The following PGM2 variants were observed in gnomAD, a reference collection of about 807,000 sequenced individuals.
The protein encoded by PGM2 is phosphopentomutase.
PGM2 carries 57 observed loss-of-function variants against 74.6 expected under a neutral mutation model. The ratio of observed to expected loss-of-function variants is 0.76; its 90% CI spans 0.62 to 0.95. The LOEUF is 0.95. PGM2 is among the 40% of genes least tolerant of loss of function. The pLI, the probability that PGM2 is intolerant of heterozygous loss-of-function variation, is 0.00. For missense variants in PGM2, 706 were observed against 741.9 expected (o/e 0.95, Z 0.56); for synonymous variants, 273 against 260.7 (o/e 1.05, Z -0.46).
chr4:37,845,774 A>C, intron 8 of PGM2, 44 bp downstream of exon 8: 4 of 1,183,738 alleles, frequency 3.4e-6, no homozygotes, highest in Non-Finnish European at 5.1e-6. Flanking sequence ...CATATAAAGG[A>C]TGATCTCTTC....
chr4:37,858,801 A>G (rs1178292792), intron 13 of PGM2, among the ~76,000 whole-genome samples: 1 of 152,156 alleles, frequency 6.6e-6, no homozygotes, highest in Non-Finnish European at 1.5e-5. Flanking sequence ...TGCTGCTTTA[A>G]AAATATATTT....
rs776666331 is a variant in PGM2, at chr4:37,826,718, A to G, written c.-15A>G. 1 of 1,546,458 alleles carries G rather than the reference A, an allele frequency of 6.5e-7. No individual in the cohort carries two copies. The highest frequency in any genetic ancestry group is 8.7e-7 in the Non-Finnish European group (1 of 1,143,062). On this transcript the variant is annotated 5_prime_UTR_variant, in exon 1 of 14. Coordinates refer to ENST00000381967, the MANE Select transcript of PGM2 (RefSeq NM_018290.4). ...ACCGCCTGCTTCCCTCTGCAGCGGT[A>G]GCACAAGCTCAGCGATGGCGGCTCC... is the stretch of plus-strand genomic sequence containing the variant.
At chr4:37,833,826 G>A (rs966704121) in intron 2 of PGM2, among the ~76,000 whole-genome samples, 7 of 152,150 alleles carry the variant, frequency 4.6e-5, no homozygotes, top group Admixed American at 2.6e-4. Context: ...TTTTACAGAA[G>A]AGGAAACTAA....
At chr4:37,858,564 G>A (rs1711637093) in intron 13 of PGM2, among the ~76,000 whole-genome samples, 1 of 149,746 alleles carries the variant, frequency 6.7e-6, no homozygotes, top group African/African-American at 2.5e-5. Context: ...CGGTCAGGCT[G>A]GGCTCGAACT....
chr4:37,840,935 T>C (rs1725692001), intron 6 of PGM2, among the ~76,000 whole-genome samples: 1 of 146,564 alleles, frequency 6.8e-6, no homozygotes, highest in African/African-American at 2.5e-5. Flanking sequence ...TTCATACATA[T>C]TCATACATGT....
At position 37,845,618 on chromosome 4, in the gene PGM2, C is replaced by T; in HGVS notation, c.910-15C>T. 6.5e-7 allele frequency: 1 copy of T among 1,541,380 alleles called. No individual in the cohort carries two copies. Among genetic ancestry groups the T allele is most frequent in the Non-Finnish European group, 9.0e-7 (1 of 1,113,984 alleles). ...TCTTGATTAAATAATCTTTTATTTT[C>T]ATATTCTTCTTCAGACTTTGTCTTT... On this transcript the variant is annotated splice_polypyrimidine_tract_variant and intron_variant, in intron 7 of 13. Coordinates refer to ENST00000381967, the MANE Select transcript of PGM2 (RefSeq NM_018290.4).
chr4:37,839,900 C>A lies in PGM2; in HGVS notation c.494C>A (p.Ser165Tyr). 1 of 1,604,536 alleles carries A rather than the reference C, an allele frequency of 6.2e-7. No individual in the cohort carries two copies. Among genetic ancestry groups the A allele is most frequent in the Non-Finnish European group, 8.5e-7 (1 of 1,171,280 alleles). ...KLCAGIMITA[S>Y]HNPKQDNGYK... ...TGTGCTGGAATCATGATAACTGCAT[C>A]TCACAATCCAAAGCAGGATAATGGT... Residue 165 changes from serine to tyrosine, a missense_variant, in exon 5 of 14, where the codon TCT becomes TAT. This residue lies in a region of PGM2 where 332 missense variants were observed against 334.9 expected (regional missense o/e 0.99). Transcript: ENST00000381967.
At chr4:37,842,556 T>C (rs952663245) in intron 6 of PGM2, among the ~76,000 whole-genome samples, 9 of 105,856 alleles carry the variant, frequency 8.5e-5, no homozygotes, top group Admixed American at 3.5e-4. Flanking sequence ...TTTCTTTTTT[T>C]TCTTTTTTGA....
chr4:37,851,335 C>A (rs1322565464), intron 12 of PGM2, among the ~76,000 whole-genome samples: 1 of 152,204 alleles, frequency 6.6e-6, no homozygotes, highest in African/African-American at 2.4e-5. Context: ...ACTTTGAGAA[C>A]CACTGTTTGT....
intron 13 of PGM2, among the ~76,000 whole-genome samples, chr4:37,860,929 G>A (rs1014818763): frequency 6.6e-6 from 1 of 152,110 alleles, no homozygotes; most frequent in African/African-American, 2.4e-5. Flanking sequence ...TCAAGAAATA[G>A]ATTCATTATG....
At chr4:37,844,108 G>A (rs1725801564) in intron 6 of PGM2, among the ~76,000 whole-genome samples, 1 of 152,010 alleles carries the variant, frequency 6.6e-6, no homozygotes, top group Non-Finnish European at 1.5e-5. Context: ...GTTCTTCTTT[G>A]TATCTCACTC....
At chr4:37,833,256 C>T (rs972042953) in intron 2 of PGM2, among the ~76,000 whole-genome samples, 2 of 152,136 alleles carry the variant, frequency 1.3e-5, no homozygotes, top group African/African-American at 4.8e-5. Flanking sequence ...TCCCCTCCTA[C>T]CCAAAATAAA....
intron 1 of PGM2, 23 bp from the exon 2 acceptor site, chr4:37,829,941 G>A (rs371561500): frequency 1.3e-6 from 2 of 1,531,642 alleles, no homozygotes; most frequent in Non-Finnish European, 1.8e-6. Context: ...GTCTGGCTGT[G>A]TCTATACATT....
chr4:37,841,072 GTATATATA>G lies in PGM2; in HGVS notation c.719+835_719+842del, dbSNP rs36127170. The stretch of plus-strand genomic sequence containing the variant: ...AAAAATTTTCTGTGCATATGCAAGC[GTATATATA>G]TATATATATATATATATATATGTGT... On this transcript the variant is annotated intron_variant, in intron 6 of 13. Coordinates refer to ENST00000381967, the MANE Select transcript of PGM2 (RefSeq NM_018290.4). Among the ~76,000 whole-genome samples, 243 of 113,728 alleles carry G rather than the reference GTATATATA, an allele frequency of 2.1e-3. 3 individuals carry two copies. The highest frequency in any genetic ancestry group is 0.016 in the East Asian group (49 of 3,068). The allele number at this position is 113,728 out of a possible 152,430, so 74.6% of individuals were successfully genotyped here.
intron 7 of PGM2, 93 bp downstream of exon 7, chr4:37,844,646 C>T: frequency 1.2e-6 from 1 of 834,602 alleles, no homozygotes; most frequent in Non-Finnish European, 1.9e-6. Flanking sequence ...TTTCATTGTG[C>T]TGAAGAAAAA....
intron 13 of PGM2, among the ~76,000 whole-genome samples, chr4:37,857,839 C>A (rs775441397): frequency 2.6e-5 from 4 of 152,080 alleles, no homozygotes; most frequent in African/African-American, 9.7e-5. Context: ...ATCTTGTTTT[C>A]GTGTGCATTA....
chr4:37,861,401 C>A, intron 13 of PGM2, 109 bp from the exon 14 acceptor site: 1 of 665,640 alleles, frequency 1.5e-6, no homozygotes, highest in Non-Finnish European at 2.7e-6. Flanking sequence ...CCTATTTAGT[C>A]CTCTTCTTAA....
chr4:37,841,910 T>A (rs543638026), intron 6 of PGM2, among the ~76,000 whole-genome samples: 2 of 152,330 alleles, frequency 1.3e-5, no homozygotes, highest in African/African-American at 4.8e-5. Flanking sequence ...AAATTGTATG[T>A]GCATTCACAA....
chr4:37,848,772 T>C (rs1725948060), intron 11 of PGM2, 121 bp downstream of exon 11: 5 of 815,986 alleles, frequency 6.1e-6, no homozygotes, highest in Non-Finnish European at 9.5e-6. Flanking sequence ...TTCTATTTCT[T>C]ATAAAAATTA....
Sources: allele counts gnomAD v4.1 joint callset (sites outside exome capture counted in the v4.1 genomes callset), GRCh38; gene constraint gnomAD v4.1.1; regional missense constraint gnomAD v4.1.1; transcripts MANE v1.5; gene names NCBI Gene and HGNC (gene_info 2026-07-23, HGNC 2026-07-21).